Variants in MYO18A observed in about 807,000 individuals in gnomAD.
MYO18A encodes myosin XVIIIA, also known as unconventional myosin-XVIIIa.
MYO18A carries 78 observed loss-of-function variants against 235.8 expected under a neutral mutation model. The observed-to-expected ratio is 0.33, with a 90% CI of 0.28 to 0.40. MYO18A has a LOEUF of 0.40. Among genes scored for constraint, MYO18A ranks in the 10% least tolerant of loss-of-function variants. The pLI is 1.00. For missense variants in MYO18A, 2,215 were observed against 2,699.3 expected (o/e 0.82, Z 3.98); for synonymous variants, 977 against 1,077.8 (o/e 0.91, Z 1.83).
chr17:29,178,265 C>A (rs544055211), intron 1 of MYO18A, among the ~76,000 whole-genome samples: 2 of 152,280 alleles, frequency 1.3e-5, no homozygotes, highest in Admixed American at 6.5e-5. Context: ...CAGGCACACA[C>A]TCTGGCACCT....
chr17:29,107,867 G>A (rs1169945984), intron 19 of MYO18A, among the ~76,000 whole-genome samples: 3 of 142,736 alleles, frequency 2.1e-5, no homozygotes, highest in Admixed American at 1.5e-4. Context: ...AGTGAGCCAA[G>A]ATCACACCAC....
At chr17:29,104,184 G>T (rs981879168) in intron 20 of MYO18A, among the ~76,000 whole-genome samples, 8 of 152,158 alleles carry the variant, frequency 5.3e-5, no homozygotes, top group Non-Finnish European at 5.9e-5. Flanking sequence ...GTTCTCTTAG[G>T]GATGGGCATG....
At chr17:29,096,977 G>A in intron 27 of MYO18A, 62 bp from the exon 28 acceptor site, 1 of 1,477,266 alleles carries the variant, frequency 6.8e-7, no homozygotes, top group African/African-American at 1.4e-5. Context: ...AGAAGGTGAG[G>A]AGAGGGAAGT....
intron 1 of MYO18A, among the ~76,000 whole-genome samples, chr17:29,178,063 CCA>C (rs1369998445): frequency 6.6e-6 from 1 of 152,078 alleles, no homozygotes; most frequent in African/African-American, 2.4e-5. Context: ...TCTGGGGGAC[CCA>C]GAGTTTTCAG....
intron 2 of MYO18A, chr17:29,128,085 G>C (rs981516722): frequency 8.8e-6 from 9 of 1,025,116 alleles, no homozygotes; most frequent in Non-Finnish European, 1.1e-5. Flanking sequence ...TGCTTGCCGC[G>C]GGCCTTGTGC....
intron 22 of MYO18A, among the ~76,000 whole-genome samples, chr17:29,099,413 C>T (rs189164975): frequency 5.3e-5 from 8 of 152,244 alleles, no homozygotes; most frequent in African/African-American, 9.6e-5. Context: ...TTTGCCTGGG[C>T]CCTGATTCCC....
rs766814755 is a variant in MYO18A, at chr17:29,086,449, GTCC to G, written c.5838_5840del (p.Glu1946del). The G allele has an allele frequency of 1.2e-6, 2 of 1,602,312 alleles. No individual in the cohort carries two copies. The highest frequency in any genetic ancestry group is 2.7e-5 in the African/African-American group (2 of 74,732). ...AGGCCACTTCTCACCTGTTGATGAG[GTCC>G]TCATTCTCATCACTCTCCATCTCAT... On this transcript the variant is annotated inframe_deletion, in exon 39 of 42. Coordinates refer to ENST00000527372, the MANE Select transcript of MYO18A (RefSeq NM_078471.4).
In MYO18A at chr17:29,126,943, GCTC is replaced by G. The variant is rs1175947248; in HGVS notation, c.1000-4693_1000-4691del. Among the ~76,000 whole-genome samples, 2 of 152,176 alleles carry G rather than the reference GCTC, an allele frequency of 1.3e-5. No individual in the cohort carries two copies. The highest frequency in any genetic ancestry group is 1.9e-4 in the East Asian group (1 of 5,202). ...TACCCATCTGCCATCCAAGCACAGG[GCTC>G]CTCAAGAGTCCTGCTGCCAGATGGT... On this transcript the variant is annotated intron_variant, in intron 2 of 41. Coordinates refer to ENST00000527372, the MANE Select transcript of MYO18A (RefSeq NM_078471.4). The surrounding 1 kb of genome is among the most constrained non-coding windows in gnomAD (Gnocchi z 4.1).
At chr17:29,076,674 A>T (rs759936925) in intron 41 of MYO18A, 10 of 152,218 alleles carry the variant, frequency 6.6e-5, no homozygotes, top group Non-Finnish European at 1.2e-4. Flanking sequence ...AAGCTCACTG[A>T]TGACTATGCA....
intron 21 of MYO18A, among the ~76,000 whole-genome samples, chr17:29,100,056 A>T (rs963032988): frequency 6.6e-6 from 1 of 152,152 alleles, no homozygotes; most frequent in Non-Finnish European, 1.5e-5. Flanking sequence ...TGGGGCAAGG[A>T]AGGAAATGGA....
At chr17:29,136,886 A>G (rs2067616960) in intron 2 of MYO18A, 1 of 152,218 alleles carries the variant, frequency 6.6e-6, no homozygotes, top group African/African-American at 2.4e-5. Context: ...CAACTCTCCA[A>G]ATCGAGTTTT....
At chr17:29,157,783 T>TC (rs945545021) in intron 2 of MYO18A, among the ~76,000 whole-genome samples, 6 of 152,006 alleles carry the variant, frequency 3.9e-5, no homozygotes, top group Non-Finnish European at 8.8e-5. Context: ...TTTAGTTCAG[T>TC]CTTTTTTTTT....
At chr17:29,088,255 C>T (rs556918647) in intron 37 of MYO18A, among the ~76,000 whole-genome samples, 9 of 151,642 alleles carry the variant, frequency 5.9e-5, no homozygotes, top group East Asian at 1.9e-4. Flanking sequence ...AGGGTTTCAC[C>T]GTGTTAGCCA....
At chr17:29,173,900 T>C (rs1435041126) in intron 1 of MYO18A, among the ~76,000 whole-genome samples, 1 of 152,130 alleles carries the variant, frequency 6.6e-6, no homozygotes. Context: ...GCCTCCTGAG[T>C]AGCTGTGACT....
intron 37 of MYO18A, among the ~76,000 whole-genome samples, chr17:29,088,816 T>C (rs1249979459): frequency 6.6e-6 from 1 of 152,002 alleles, no homozygotes; most frequent in Non-Finnish European, 1.5e-5. Context: ...GGCAGGCGGA[T>C]TGCTTGAGCC....
At chr17:29,087,797 A>C (rs1453400870) in intron 37 of MYO18A, among the ~76,000 whole-genome samples, 1 of 151,716 alleles carries the variant, frequency 6.6e-6, no homozygotes, top group Non-Finnish European at 1.5e-5. Context: ...GTTTGTGTTT[A>C]ACATCCTATG....
rs1390098665 is a variant in MYO18A at position 29,083,516 on chromosome 17, ATGTGTGCG to A, written c.5898-1086_5898-1079del. 5.5e-3 allele frequency among the ~76,000 whole-genome samples: 789 copies of A among 144,276 alleles called. 24 individuals are homozygous for A. Among genetic ancestry groups the A allele is most frequent in the African/African-American group, 0.012 (454 of 38,414 alleles). 94.7% of individuals were successfully genotyped at this position (144,276 alleles called of 152,430 possible). On this transcript the variant is annotated intron_variant, in intron 40 of 41. Transcript: ENST00000527372. ...TTCTTAAATAAACAGCCACACAGGC[ATGTGTGCG>A]CGCGCGCGCACACACACACACACAC...
chr17:29,156,451 TGA>T (rs2068068291), intron 2 of MYO18A, among the ~76,000 whole-genome samples: 1 of 151,988 alleles, frequency 6.6e-6, no homozygotes, highest in South Asian at 2.1e-4. Flanking sequence ...TCCAGTCCTG[TGA>T]GAGATGCCAG....
At chr17:29,092,606 C>T (rs945979361) in intron 33 of MYO18A, 150 bp from the exon 34 acceptor site, 20 of 805,188 alleles carry the variant, frequency 2.5e-5, no homozygotes, top group Non-Finnish European at 3.6e-5. Context: ...GTGGTGCACG[C>T]GTGGGGATCT....
Sources: gnomAD v4.1 joint callset for allele counts (sites outside exome capture counted in the v4.1 genomes callset) on GRCh38, gnomAD v4.1.1 for gene constraint, Gnocchi (gnomAD v3.1) non-coding constraint, MANE v1.5 for transcripts, NCBI Gene and HGNC (gene_info 2026-07-23, HGNC 2026-07-21) for gene names.